Variants in PLXDC2 observed in about 807,000 individuals in gnomAD.
PLXDC2 encodes the protein plexin domain-containing protein 2.
PLXDC2 carries 40 observed loss-of-function variants against 68.9 expected under a neutral mutation model. The ratio of observed to expected loss-of-function variants is 0.58; its 90% CI spans 0.45 to 0.76. PLXDC2 has a LOEUF of 0.76. Among genes scored for constraint, PLXDC2 ranks in the 30% least tolerant of loss-of-function variants. PLXDC2 has a pLI of 0.00. For synonymous variants in PLXDC2, 243 were observed against 234.2 expected, an observed-to-expected ratio of 1.04 and a Z score of -0.34; for missense variants, 644 against 661.9, an observed-to-expected ratio of 0.97 and a Z score of 0.30.
intron 13 of PLXDC2, among the ~76,000 whole-genome samples, chr10:20,274,446 A>C (rs539065084): frequency 6.6e-5 from 10 of 152,300 alleles, no homozygotes; most frequent in Admixed American, 6.5e-4. Context: ...GTTATAACTA[A>C]TCCTTGAAGA....
intron 3 of PLXDC2, among the ~76,000 whole-genome samples, chr10:20,053,719 G>A (rs1476780138): frequency 6.6e-6 from 1 of 152,166 alleles, no homozygotes; most frequent in Middle Eastern, 3.4e-3. Context: ...AACTCCTACA[G>A]ATATATCTCT....
At chr10:19,819,561 A>G (rs1836426090) in intron 1 of PLXDC2, among the ~76,000 whole-genome samples, 2 of 152,250 alleles carry the variant, frequency 1.3e-5, no homozygotes, top group Non-Finnish European at 2.9e-5. Context: ...CACAGGAACA[A>G]CATCTGATTT....
chr10:19,964,753 T>C (rs1454435112), intron 1 of PLXDC2, among the ~76,000 whole-genome samples: 3 of 151,844 alleles, frequency 2.0e-5, no homozygotes, highest in Non-Finnish European at 4.4e-5. Flanking sequence ...TTTTTTTTTC[T>C]TCACTATCTC....
chr10:20,168,322 A>G (rs1834401131), intron 7 of PLXDC2, among the ~76,000 whole-genome samples: 1 of 152,178 alleles, frequency 6.6e-6, no homozygotes. Flanking sequence ...TGTACACAGC[A>G]TGCATTACCT....
intron 12 of PLXDC2, among the ~76,000 whole-genome samples, chr10:20,232,705 T>G (rs1835381360): frequency 6.6e-6 from 1 of 152,128 alleles, no homozygotes. Flanking sequence ...ATCAGCACAG[T>G]GGTTGCCTAT....
chr10:19,987,955 C>T (rs1390532995), intron 1 of PLXDC2, among the ~76,000 whole-genome samples: 3 of 152,146 alleles, frequency 2.0e-5, no homozygotes, highest in Non-Finnish European at 4.4e-5. Context: ...ATATAACTTA[C>T]ATTTCATACC....
chr10:20,063,323 T>C (rs1008142020), intron 3 of PLXDC2, among the ~76,000 whole-genome samples: 6 of 152,086 alleles, frequency 3.9e-5, no homozygotes, highest in Non-Finnish European at 8.8e-5. Flanking sequence ...ATAAAAAGAC[T>C]TGGGGAGTCA....
At chr10:19,995,112 C>CA (rs1834821307) in intron 1 of PLXDC2, among the ~76,000 whole-genome samples, 2 of 152,078 alleles carry the variant, frequency 1.3e-5, no homozygotes, top group South Asian at 2.1e-4. Context: ...ATTGATGGGA[C>CA]AAAAAATATA....
intron 7 of PLXDC2, among the ~76,000 whole-genome samples, chr10:20,170,219 C>G (rs1834428945): frequency 6.6e-6 from 1 of 152,114 alleles, no homozygotes; most frequent in African/African-American, 2.4e-5. Context: ...TAGTTGGAGT[C>G]TAACTCTGTC....
chr10:20,017,110 G>A (rs1016896046), intron 2 of PLXDC2, among the ~76,000 whole-genome samples: 1 of 152,190 alleles, frequency 6.6e-6, no homozygotes, highest in African/African-American at 2.4e-5. Flanking sequence ...TAAATAGAGA[G>A]AGAGAAACGA....
intron 1 of PLXDC2, among the ~76,000 whole-genome samples, chr10:19,867,463 G>A (rs1564613958): frequency 1.3e-5 from 2 of 152,284 alleles, no homozygotes; most frequent in African/African-American, 4.8e-5. Flanking sequence ...CATAGGTCAA[G>A]GGGTATGTTC....
rs75113261 is a variant in PLXDC2, at chr10:19,835,626, G to C, written c.112+18435G>C. On this transcript the variant is annotated intron_variant, in intron 1 of 13. Transcript: ENST00000377252. Reference sequence around the variant, plus strand: ...AGGAATAATCAGAGAAGAGCAGAGGGTCAAGGTCAGAGTCCTAGAGAGCTG... The same window carrying C: ...AGGAATAATCAGAGAAGAGCAGAGGCTCAAGGTCAGAGTCCTAGAGAGCTG... Among the ~76,000 whole-genome samples, 371 of 152,284 alleles carry C rather than the reference G, an allele frequency of 2.4e-3. 9 individuals carry two copies. In the East Asian group the frequency reaches 0.053, roughly 22 times the overall value.
At chr10:19,985,533 A>G (rs1834621060) in intron 1 of PLXDC2, among the ~76,000 whole-genome samples, 1 of 152,206 alleles carries the variant, frequency 6.6e-6, no homozygotes, top group South Asian at 2.1e-4. Context: ...TGGGGAATTA[A>G]CAATCCTAGA....
At chr10:20,148,616 TAAG>T (rs1554770010) in intron 6 of PLXDC2, among the ~76,000 whole-genome samples, 1 of 152,186 alleles carries the variant, frequency 6.6e-6, no homozygotes, top group Non-Finnish European at 1.5e-5. Context: ...CCTGTTGGAC[TAAG>T]AATATAAAAA....
intron 4 of PLXDC2, among the ~76,000 whole-genome samples, chr10:20,135,230 G>T (rs1833918908): frequency 6.6e-6 from 1 of 152,276 alleles, no homozygotes; most frequent in East Asian, 1.9e-4. Flanking sequence ...GTTCTATTTT[G>T]ATAGAGGAAA....
chr10:20,036,400 C>CT (rs1408136927), intron 2 of PLXDC2, among the ~76,000 whole-genome samples: 2 of 152,102 alleles, frequency 1.3e-5, no homozygotes, highest in Non-Finnish European at 2.9e-5. Flanking sequence ...ACAGAATCAG[C>CT]TGGAATCTCG....
At chr10:19,833,832 A>C (rs535924795) in intron 1 of PLXDC2, among the ~76,000 whole-genome samples, 9 of 152,326 alleles carry the variant, frequency 5.9e-5, no homozygotes, top group Non-Finnish European at 1.2e-4. Context: ...AGAAAAAGAC[A>C]CCTGTTCTAA....
intron 12 of PLXDC2, among the ~76,000 whole-genome samples, chr10:20,219,340 C>T (rs926651105): frequency 2.6e-5 from 4 of 152,154 alleles, no homozygotes; most frequent in African/African-American, 9.6e-5. Flanking sequence ...GTGGAAAATT[C>T]AACCACACAT....
intron 1 of PLXDC2, among the ~76,000 whole-genome samples, chr10:19,918,806 T>C (rs894788768): frequency 2.0e-5 from 3 of 152,248 alleles, no homozygotes; most frequent in Non-Finnish European, 4.4e-5. Flanking sequence ...AGGACATGGA[T>C]GAGAATGGCT....
Sources: gnomAD v4.1 joint callset for allele counts (sites outside exome capture counted in the v4.1 genomes callset) on GRCh38, gnomAD v4.1.1 for gene constraint, MANE v1.5 for transcripts, NCBI Gene and HGNC (gene_info 2026-07-23, HGNC 2026-07-21) for gene names.